ZNF131: variants seen among roughly 807,000 people sequenced by gnomAD.
The protein encoded by ZNF131 is zinc finger protein 131.
In ZNF131, 7 loss-of-function variants were observed where a neutral mutation model predicts 60.0. That is an observed-to-expected ratio of 0.12 (90% CI 0.07 to 0.22). The LOEUF (loss-of-function observed/expected upper bound fraction) is 0.22. Ranked by LOEUF, ZNF131 falls within the 10% of genes least tolerant of loss-of-function variation. ZNF131 has a pLI of 1.00. For synonymous variants in ZNF131, 257 were observed against 253.2 expected (o/e 1.01, Z -0.14); for missense variants, 493 against 740.9 (o/e 0.67, Z 3.88).
chr5:43,143,087 A>G (rs1336402674), intron 4 of ZNF131, among the ~76,000 whole-genome samples: 2 of 145,604 alleles, frequency 1.4e-5, no homozygotes, highest in Non-Finnish European at 3.0e-5. Flanking sequence ...CAGTGGCGTG[A>G]TCTCGGCTCA....
At chr5:43,122,611 C>G (rs1384247228) in intron 2 of ZNF131, among the ~76,000 whole-genome samples, 8 of 152,096 alleles carry the variant, frequency 5.3e-5, no homozygotes, top group Non-Finnish European at 5.9e-5. Flanking sequence ...AGCACTCATA[C>G]CCCCTTTGAG....
intron 4 of ZNF131, among the ~76,000 whole-genome samples, chr5:43,160,204 AAAAG>A (rs995641887): frequency 2.0e-5 from 3 of 150,432 alleles, no homozygotes; most frequent in East Asian, 2.0e-4. Flanking sequence ...AAAAAACAAA[AAAAG>A]AAGAAATCTG....
At chr5:43,149,619 T>C (rs1624415) in intron 4 of ZNF131, among the ~76,000 whole-genome samples, 42,000 of 152,100 alleles carry the variant, frequency 0.28, 6,387 homozygotes, top group East Asian at 0.63. Flanking sequence ...GTCAGTCTCT[T>C]TTTCAAAAAT....
intron 4 of ZNF131, among the ~76,000 whole-genome samples, chr5:43,149,842 G>A (rs1748078841): frequency 1.3e-5 from 2 of 152,002 alleles, no homozygotes; most frequent in Admixed American, 1.3e-4. Context: ...CAAGGTGCCT[G>A]ATCAAATCTT....
chr5:43,164,405 GAAT>G (rs1458046158), intron 5 of ZNF131, among the ~76,000 whole-genome samples: 1 of 152,170 alleles, frequency 6.6e-6, no homozygotes, highest in African/African-American at 2.4e-5. Flanking sequence ...CTTAGAAAAC[GAAT>G]AATAGTCTGT....
At chr5:43,121,301 G>A (rs995816590) in intron 1 of ZNF131, among the ~76,000 whole-genome samples, 178 bp downstream of exon 1, 3 of 152,210 alleles carry the variant, frequency 2.0e-5, no homozygotes, top group South Asian at 4.1e-4. Context: ...CAATGACTTA[G>A]GTTCCCAGCT....
At chr5:43,125,784 GAAA>G (rs371323104) in intron 3 of ZNF131, among the ~76,000 whole-genome samples, 1 of 145,696 alleles carries the variant, frequency 6.9e-6, no homozygotes, top group Non-Finnish European at 1.5e-5. Flanking sequence ...CCGTCTCAAA[GAAA>G]AAAAAAAGGA....
rs1226043104 is a variant in ZNF131 at position 43,130,085 on chromosome 5, G to C, written c.226+6775G>C. 2.6e-5 allele frequency among the ~76,000 whole-genome samples: 4 copies of C among 151,438 alleles called. No individual in the cohort carries two copies. In the East Asian group the frequency reaches 7.8e-4, roughly 30 times the overall value. ...GTTCGAGACCAGCCTGGGCAACACG[G>C]TGAAACCGTCTCTACTGAAAATACA... On this transcript the variant is annotated intron_variant, in intron 3 of 6. Coordinates refer to ENST00000682664, the MANE Select transcript of ZNF131 (RefSeq NM_001330707.2).
intron 3 of ZNF131, among the ~76,000 whole-genome samples, chr5:43,130,152 T>C (rs1485530182): frequency 2.1e-4 from 31 of 150,084 alleles, no homozygotes; most frequent in Non-Finnish European, 3.4e-4. Context: ...TAGTCCCAGC[T>C]ACTGGGGAGG....
intron 4 of ZNF131, among the ~76,000 whole-genome samples, chr5:43,158,072 G>A (rs367573278): frequency 1.3e-4 from 20 of 152,104 alleles, no homozygotes; most frequent in African/African-American, 4.6e-4. Context: ...GGGTTCAAGC[G>A]ATTCTCTTGC....
chr5:43,136,476 CTTTTTTTTTTTTTTTT>C (rs70991484), intron 3 of ZNF131, among the ~76,000 whole-genome samples: 2 of 70,050 alleles, frequency 2.9e-5, no homozygotes, highest in South Asian at 5.9e-4. Context: ...AGGCATCATA[CTTTTTTTTTTTTTTTT>C]TTTTTTTTTT....
chr5:43,161,198 C>T, intron 4 of ZNF131, 51 bp from the exon 5 acceptor site: 2 of 1,485,732 alleles, frequency 1.3e-6, no homozygotes, highest in Non-Finnish European at 1.8e-6. Context: ...TCAAAAAAGC[C>T]TGGTAGGATC....
intron 4 of ZNF131, among the ~76,000 whole-genome samples, chr5:43,154,322 G>C (rs1205267943): frequency 6.6e-6 from 1 of 152,128 alleles, no homozygotes; most frequent in African/African-American, 2.4e-5. Flanking sequence ...GCTGAGGCAG[G>C]GGAATTACTT....
Position 43,136,476 on chromosome 5 carries a change from C to CTTTTTT in ZNF131, c.227-2664_227-2659dup, listed in dbSNP as rs70991484. ...AAAGAACAAAGCTAGAGGCATCATA[C>CTTTTTT]TTTTTTTTTTTTTTTTTTTTTTTTT... On this transcript the variant is annotated intron_variant, in intron 3 of 6. Transcript: ENST00000682664. 1.2e-3 allele frequency among the ~76,000 whole-genome samples: 85 copies of CTTTTTT among 70,050 alleles called. 8 individuals are homozygous for CTTTTTT. The highest frequency in any genetic ancestry group is 2.1e-3 in the African/African-American group (38 of 18,304). 46.0% of individuals were successfully genotyped at this position (70,050 alleles called of 152,430 possible). A position where few individuals can be genotyped will look rare whatever the true frequency, so the allele number is the denominator to read the frequency against.
At chr5:43,170,555 C>T (rs866016939) in intron 5 of ZNF131, among the ~76,000 whole-genome samples, 1 of 152,162 alleles carries the variant, frequency 6.6e-6, no homozygotes, top group Non-Finnish European at 1.5e-5. Context: ...ATATTCAAGA[C>T]CTCTGTCCAC....
intron 4 of ZNF131, among the ~76,000 whole-genome samples, chr5:43,153,957 T>G (rs1223438821): frequency 6.6e-6 from 1 of 152,212 alleles, no homozygotes; most frequent in Admixed American, 6.6e-5. Flanking sequence ...TGTTATTGAT[T>G]AGCTTTTGTG....
chr5:43,161,465 C>G lies in ZNF131; in HGVS notation c.588C>G (p.Ser196=), dbSNP rs560039859. 1 of 1,614,202 alleles carries G rather than the reference C, an allele frequency of 6.2e-7. No individual in the cohort carries two copies. Among genetic ancestry groups the G allele is most frequent in the Non-Finnish European group, 8.5e-7 (1 of 1,180,034 alleles). The change falls in exon 5 of 7, where the codon TCC becomes TCG. Residue 196 remains serine, a synonymous_variant. Coordinates refer to ENST00000682664, the MANE Select transcript of ZNF131 (RefSeq NM_001330707.2). The part of the protein sequence containing the change: ...TLEEVASAKQ[S]VKYIQSTGSS... ...AGGAAGTGGCTTCTGCCAAGCAGTCCGTAAAGTACATACAGAGCACAGGTT... is the reference window on the plus strand; with the variant it reads ...AGGAAGTGGCTTCTGCCAAGCAGTCGGTAAAGTACATACAGAGCACAGGTT...
chr5:43,143,435 G>A, intron 4 of ZNF131: 2 of 1,430,528 alleles, frequency 1.4e-6, no homozygotes, highest in Non-Finnish European at 1.8e-6. Flanking sequence ...CTCCACTGTT[G>A]CAAGTTTATC....
At chr5:43,169,208 T>C (rs1750691498) in intron 5 of ZNF131, among the ~76,000 whole-genome samples, 1 of 152,190 alleles carries the variant, frequency 6.6e-6, no homozygotes, top group Non-Finnish European at 1.5e-5. Flanking sequence ...TCTGTGTAAA[T>C]AAGGATAAAG....
Sources: gnomAD v4.1 joint callset for allele counts (sites outside exome capture counted in the v4.1 genomes callset) on GRCh38, gnomAD v4.1.1 for gene constraint, MANE v1.5 for transcripts, NCBI Gene and HGNC (gene_info 2026-07-23, HGNC 2026-07-21) for gene names.